Variants in SPATA22 observed in about 807,000 individuals in gnomAD.
The protein encoded by SPATA22 is spermatogenesis associated 22.
A neutral mutation model predicts 47.8 loss-of-function variants in SPATA22; 29 were observed. The observed-to-expected ratio is 0.61, with a 90% CI of 0.45 to 0.83. The LOEUF is 0.83. Ranked by LOEUF, SPATA22 falls within the 40% of genes least tolerant of loss-of-function variation. The probability of loss-of-function intolerance (pLI) is 0.00; values close to 1 mark genes in which losing one functional copy is unlikely to be tolerated. For missense variants in SPATA22, 410 were observed against 421.7 expected, an observed-to-expected ratio of 0.97 and a Z score of 0.24; for synonymous variants, 133 against 140.9, an observed-to-expected ratio of 0.94 and a Z score of 0.40.
intron 5 of SPATA22, among the ~76,000 whole-genome samples, chr17:3,455,322 G>A (rs928257723): frequency 6.6e-5 from 10 of 152,024 alleles, no homozygotes; most frequent in African/African-American, 2.4e-4. Flanking sequence ...TGTCGATTTT[G>A]TCTTTTGTTG....
chr17:3,465,066 TG>T (rs1212035375), intron 3 of SPATA22, among the ~76,000 whole-genome samples: 1 of 63,270 alleles, frequency 1.6e-5, no homozygotes, highest in Non-Finnish European at 3.4e-5. Flanking sequence ...GGGAGGGAGG[TG>T]GGGGGTCAGC....
intron 1 of SPATA22, chr17:3,503,520 G>C (rs1272778383): frequency 6.9e-6 from 1 of 144,236 alleles, no homozygotes; most frequent in Non-Finnish European, 1.5e-5. Flanking sequence ...TTCTAGGTCA[G>C]CTTTTTCCAG....
chr17:3,450,006 C>T (rs1432443964), intron 5 of SPATA22, among the ~76,000 whole-genome samples: 1 of 152,134 alleles, frequency 6.6e-6, no homozygotes, highest in African/African-American at 2.4e-5. Flanking sequence ...GTGAGTGCCA[C>T]TATGCCCAGC....
chr17:3,510,541 C>T (rs1391511711), intron 1 of SPATA22: 1 of 152,168 alleles, frequency 6.6e-6, no homozygotes, highest in East Asian at 1.9e-4. Context: ...ATCAAAAAAC[C>T]ATTTCTTCAA....
At chr17:3,512,672 C>T (rs532268003) in intron 1 of SPATA22, 2 of 152,190 alleles carry the variant, frequency 1.3e-5, no homozygotes, top group Non-Finnish European at 2.9e-5. Flanking sequence ...TCCGTCTCCA[C>T]TTCACCTCTG....
chr17:3,451,003 T>C (rs1255583448), intron 5 of SPATA22, among the ~76,000 whole-genome samples: 1 of 152,150 alleles, frequency 6.6e-6, no homozygotes, highest in Admixed American at 6.6e-5. Flanking sequence ...CATAATAAGG[T>C]ATGCCTATAT....
intron 5 of SPATA22, among the ~76,000 whole-genome samples, chr17:3,457,070 T>A (rs1326154777): frequency 3.3e-5 from 5 of 152,172 alleles, no homozygotes; most frequent in Non-Finnish European, 7.3e-5. Flanking sequence ...GGGCTATCTA[T>A]GACAAACCCA....
chr17:3,495,715 C>G (rs2073897815), intron 1 of SPATA22, among the ~76,000 whole-genome samples: 1 of 152,080 alleles, frequency 6.6e-6, no homozygotes, highest in Non-Finnish European at 1.5e-5. Flanking sequence ...ATTACAGGCT[C>G]ACGTCACCAC....
chr17:3,507,157 T>C (rs141364481), intron 1 of SPATA22, among the ~76,000 whole-genome samples: 171 of 152,294 alleles, frequency 1.1e-3, no homozygotes, highest in African/African-American at 3.7e-3. Context: ...TAAAACCTAC[T>C]ACAGCTATTG....
At chr17:3,459,633 A>G (rs1056010456) in intron 5 of SPATA22, among the ~76,000 whole-genome samples, 6 of 152,000 alleles carry the variant, frequency 3.9e-5, no homozygotes, top group African/African-American at 1.4e-4. Context: ...GTCTCAAACT[A>G]CTGACCTCAA....
At chr17:3,470,093 CAAAAAAA>C (rs57432043) in intron 1 of SPATA22, among the ~76,000 whole-genome samples, 136 of 54,308 alleles carry the variant, frequency 2.5e-3, no homozygotes, top group Non-Finnish European at 3.4e-3. Flanking sequence ...GACTCCATCT[CAAAAAAA>C]AAAAAAAAAA....
At chr17:3,477,643 G>A (rs1336844179) in intron 1 of SPATA22, among the ~76,000 whole-genome samples, 10 of 151,854 alleles carry the variant, frequency 6.6e-5, no homozygotes, top group Non-Finnish European at 1.2e-4. Context: ...TAGTAGAGAC[G>A]GGGTTTCTCC....
At chr17:3,509,910 T>C (rs1042860739) in intron 1 of SPATA22, among the ~76,000 whole-genome samples, 12 of 152,234 alleles carry the variant, frequency 7.9e-5, no homozygotes, top group Admixed American at 3.9e-4. Flanking sequence ...ATTTCTCTAA[T>C]GACCAGTGAT....
intron 1 of SPATA22, among the ~76,000 whole-genome samples, chr17:3,491,127 C>T (rs377038810): frequency 2.6e-5 from 4 of 152,222 alleles, no homozygotes; most frequent in African/African-American, 7.2e-5. Flanking sequence ...AAGACATATG[C>T]GACATGCTTA....
In SPATA22 at chr17:3,490,056, A is replaced by C. The variant is rs1466383401; in HGVS notation, c.-73-20658T>G. ...GCAGACCAAGACATTCAGTACACCA[A>C]TTGGCTTTAAAATAACAATAATAAT... On this transcript the variant is annotated intron_variant, in intron 1 of 8. Coordinates refer to the SPATA22 transcript ENST00000541913. This position sits in a 1 kb window ranked among gnomAD's most constrained non-coding sequence, Gnocchi z 4.6. Among the ~76,000 whole-genome samples, 1 of 152,178 alleles carries C rather than the reference A, an allele frequency of 6.6e-6. No homozygotes were observed. Among genetic ancestry groups the C allele is most frequent in the Non-Finnish European group, 1.5e-5 (1 of 68,030 alleles).
intron 5 of SPATA22, 41 bp downstream of exon 5, chr17:3,462,442 G>A (rs574912223): frequency 2.6e-5 from 35 of 1,356,972 alleles, no homozygotes; most frequent in Non-Finnish European, 2.1e-5. Flanking sequence ...ACAGGAAAAT[G>A]AGAAGGAATA....
At chr17:3,504,551 T>C (rs2074023531) in intron 1 of SPATA22, among the ~76,000 whole-genome samples, 1 of 19,174 alleles carries the variant, frequency 5.2e-5, no homozygotes, top group East Asian at 9.9e-4. Flanking sequence ...GAAATTTTCT[T>C]TTCTTTTTTT....
intron 3 of SPATA22, among the ~76,000 whole-genome samples, chr17:3,463,194 C>T (rs1400473324): frequency 6.6e-6 from 1 of 152,206 alleles, no homozygotes; most frequent in African/African-American, 2.4e-5. Context: ...CAAATCTTAT[C>T]CTTAATATGT....
intron 1 of SPATA22, among the ~76,000 whole-genome samples, chr17:3,504,730 T>C (rs2074025875): frequency 6.6e-6 from 1 of 152,082 alleles, no homozygotes; most frequent in African/African-American, 2.4e-5. Flanking sequence ...GCTAATTTTG[T>C]ATTTTTTTAG....
Sources: allele counts gnomAD v4.1 joint callset (sites outside exome capture counted in the v4.1 genomes callset), GRCh38; gene constraint gnomAD v4.1.1; non-coding constraint Gnocchi (gnomAD v3.1); transcripts MANE v1.5; gene names NCBI Gene and HGNC (gene_info 2026-07-23, HGNC 2026-07-21).